DNAH14: variants seen among roughly 807,000 people sequenced by gnomAD.
DNAH14 encodes the protein dynein axonemal heavy chain 14.
DNAH14 carries 478 observed loss-of-function variants against 520.9 expected under a neutral mutation model. The observed-to-expected ratio is 0.92, with a 90% CI of 0.85 to 0.99. The LOEUF is 0.99. Among genes scored for constraint, DNAH14 ranks in the 50% least tolerant of loss-of-function variants. The probability of loss-of-function intolerance (pLI) is 0.00; values close to 1 mark genes in which losing one functional copy is unlikely to be tolerated. For synonymous variants in DNAH14, 1,581 were observed against 1,757.2 expected (o/e 0.90, Z 2.51); for missense variants, 4,831 against 5,234.5 (o/e 0.92, Z 2.38).
chr1:225,185,311 A>G lies in DNAH14; in HGVS notation c.5556A>G (p.Leu1852=), dbSNP rs1032852772. The G allele has an allele frequency of 6.5e-7, 1 of 1,544,962 alleles. No homozygotes were observed. Among genetic ancestry groups the G allele is most frequent in the Non-Finnish European group, 8.7e-7 (1 of 1,144,728 alleles). The change falls in exon 37 of 86, where the codon TTA becomes TTG. Residue 1852 remains leucine (L), a synonymous_variant. Transcript: ENST00000682510. ...NQLQVCVGVM[L]VGPTGGGKTT... is the part of the protein sequence containing the mutation. The stretch of plus-strand genomic sequence containing the variant: ...TTTAGGTTTGTGTTGGTGTGATGTT[A>G]GTGGGCCCAACAGGTGGAGGAAAGA...
intron 23 of DNAH14, among the ~76,000 whole-genome samples, chr1:225,112,714 G>GTCTTCAAGCTCACTAATTCTC (rs1216975048): frequency 6.6e-6 from 1 of 151,718 alleles, no homozygotes; most frequent in Non-Finnish European, 1.5e-5. Context: ...CAAATAGCCT[G>GTCTTCAAGCTCACTAATTCTC]TCTTCAAGCT....
chr1:225,057,946 GA>G (rs1057443497), intron 17 of DNAH14, among the ~76,000 whole-genome samples: 57 of 152,234 alleles, frequency 3.7e-4, no homozygotes, highest in African/African-American at 1.3e-3. Flanking sequence ...TTTTATTGAG[GA>G]TTTTTGCATT....
chr1:225,278,284 A>G (rs1420950698), intron 54 of DNAH14, among the ~76,000 whole-genome samples: 1 of 152,212 alleles, frequency 6.6e-6, no homozygotes, highest in Non-Finnish European at 1.5e-5. Context: ...CCATATATCC[A>G]CTGGTCTAGT....
At chr1:225,321,750 T>C (rs1164680534) in intron 61 of DNAH14, among the ~76,000 whole-genome samples, 1 of 152,180 alleles carries the variant, frequency 6.6e-6, no homozygotes, top group Non-Finnish European at 1.5e-5. Flanking sequence ...GATTAAGACA[T>C]AGTGAAGAGA....
At chr1:225,061,503 T>C (rs1243820099) in intron 17 of DNAH14, among the ~76,000 whole-genome samples, 1 of 152,210 alleles carries the variant, frequency 6.6e-6, no homozygotes, top group Non-Finnish European at 1.5e-5. Flanking sequence ...TCATGCTCGG[T>C]GCGCAGCACC....
chr1:225,129,864 C>G (rs2078192948), intron 27 of DNAH14, among the ~76,000 whole-genome samples: 1 of 152,262 alleles, frequency 6.6e-6, no homozygotes, highest in South Asian at 2.1e-4. Flanking sequence ...AAGAAACTAC[C>G]ATCAGAGTGA....
chr1:225,362,629 A>C (rs1403556274), intron 75 of DNAH14, among the ~76,000 whole-genome samples: 1 of 151,994 alleles, frequency 6.6e-6, no homozygotes, highest in East Asian at 1.9e-4. Flanking sequence ...GCAAACTAAA[A>C]CCATAGTGAT....
At chr1:225,241,329 G>A (rs964611491) in intron 43 of DNAH14, among the ~76,000 whole-genome samples, 1 of 152,148 alleles carries the variant, frequency 6.6e-6, no homozygotes, top group Non-Finnish European at 1.5e-5. Flanking sequence ...CTTTGAGTAG[G>A]TAAAGTGATT....
intron 71 of DNAH14, among the ~76,000 whole-genome samples, chr1:225,349,044 T>C (rs1046572029): frequency 6.6e-6 from 1 of 152,136 alleles, no homozygotes; most frequent in African/African-American, 2.4e-5. Context: ...GGATCATAGC[T>C]CACTGTAGCC....
intron 36 of DNAH14, among the ~76,000 whole-genome samples, chr1:225,168,508 G>C (rs564936316): frequency 1.3e-5 from 2 of 152,326 alleles, no homozygotes; most frequent in East Asian, 1.9e-4. Flanking sequence ...ATTATATCCA[G>C]TGCCTGGCTT....
At position 225,327,460 on chromosome 1, in the gene DNAH14, C is replaced by T. The variant is rs1019843449; in HGVS notation, c.9723+2628C>T. Among the ~76,000 whole-genome samples the T allele has an allele frequency of 3.3e-5, 5 of 152,070 alleles. No individual in the cohort carries two copies. The South Asian group carries it at 6.2e-4, about 19-fold the overall frequency. ...ACAGGTGTCAGCCACCGCACCTGGC[C>T]GACTAACTCATTCTTAAACAGCCAG... is the stretch of plus-strand genomic sequence containing the variant. On this transcript the variant is annotated intron_variant, in intron 64 of 85. Coordinates refer to ENST00000682510, the MANE Select transcript of DNAH14 (RefSeq NM_001367479.1).
At chr1:225,330,625 A>T (rs115691966) in intron 64 of DNAH14, among the ~76,000 whole-genome samples, 13,188 of 152,172 alleles carry the variant, frequency 0.087, 635 homozygotes, top group Middle Eastern at 0.15. Flanking sequence ...ACTCATGGAG[A>T]TAGAGGGCAG....
chr1:224,999,132 G>C (rs758456744), intron 8 of DNAH14, among the ~76,000 whole-genome samples: 4 of 144,800 alleles, frequency 2.8e-5, no homozygotes, highest in African/African-American at 5.6e-5. Flanking sequence ...TTTTACTTTT[G>C]ATATGCCTAT....
At position 225,213,300 on chromosome 1, in the gene DNAH14, T is replaced by G. The variant is rs1405744847; in HGVS notation, c.6439+6080T>G. Among the ~76,000 whole-genome samples the G allele has an allele frequency of 2.0e-5, 3 of 152,186 alleles. No individual in the cohort carries two copies. The East Asian group carries it at 5.8e-4, about 29-fold the overall frequency. On this transcript the variant is annotated intron_variant, in intron 41 of 85. Coordinates refer to ENST00000682510, the MANE Select transcript of DNAH14 (RefSeq NM_001367479.1). ...TTTTGGTACCCGTACCATGCTGTTT[T>G]GGTTACTGTAGCCTTGTAGTACAGT...
chr1:225,336,226 TA>T (rs2150354048), intron 66 of DNAH14, among the ~76,000 whole-genome samples: 1 of 151,272 alleles, frequency 6.6e-6, no homozygotes, highest in African/African-American at 2.4e-5. Flanking sequence ...AAACATATAT[TA>T]TTTATAAAAT....
chr1:225,312,638 A>C (rs761133025), intron 60 of DNAH14, among the ~76,000 whole-genome samples: 1 of 152,136 alleles, frequency 6.6e-6, no homozygotes, highest in African/African-American at 2.4e-5. Flanking sequence ...TAGTTTATTG[A>C]GTGTTTTTAA....
At chr1:225,233,985 C>T (rs2091355355) in intron 42 of DNAH14, among the ~76,000 whole-genome samples, 1 of 152,026 alleles carries the variant, frequency 6.6e-6, no homozygotes, top group East Asian at 1.9e-4. Context: ...GGAAGGGGTC[C>T]AGTTTCAGTT....
intron 75 of DNAH14, among the ~76,000 whole-genome samples, chr1:225,363,171 T>A (rs531962641): frequency 1.1e-4 from 17 of 152,322 alleles, no homozygotes; most frequent in African/African-American, 4.1e-4. Context: ...CTCTCATATA[T>A]ATGTAATATT....
At chr1:225,309,668 G>A (rs2094318760) in intron 60 of DNAH14, among the ~76,000 whole-genome samples, 1 of 152,166 alleles carries the variant, frequency 6.6e-6, no homozygotes, top group East Asian at 1.9e-4. Flanking sequence ...GCCGAGGCGG[G>A]TAGATTACGA....
Sources: allele counts gnomAD v4.1 joint callset (sites outside exome capture counted in the v4.1 genomes callset), GRCh38; gene constraint gnomAD v4.1.1; transcripts MANE v1.5; gene names NCBI Gene and HGNC (gene_info 2026-07-23, HGNC 2026-07-21).